Variants in EVC2 observed in about 807,000 individuals in gnomAD.
EVC2 encodes limbin.
EVC2 carries 148 observed loss-of-function variants against 149.3 expected under a neutral mutation model. The ratio of observed to expected loss-of-function variants is 0.99; its 90% CI spans 0.87 to 1.14. EVC2 has a LOEUF of 1.14. Among genes scored for constraint, EVC2 ranks in the 50% most tolerant of loss-of-function variants. The pLI is 0.00. For synonymous variants in EVC2, 776 were observed against 649.9 expected (o/e 1.19, Z -2.95); for missense variants, 1,854 against 1,627.3 (o/e 1.14, Z -2.40).
chr4:5,594,279 G>C (rs1410281073), intron 16 of EVC2, among the ~76,000 whole-genome samples: 2 of 152,206 alleles, frequency 1.3e-5, no homozygotes, highest in Admixed American at 6.5e-5. Context: ...TCAAGTGGGT[G>C]CCTGACCCCT....
At position 5,614,168 on chromosome 4, in the gene EVC2, G is replaced by A. The variant is rs1715057360; in HGVS notation, c.2829+1254C>T. On this transcript the variant is annotated intron_variant, in intron 16 of 21. Transcript: ENST00000344408. The surrounding 1 kb of genome is among the most constrained non-coding windows in gnomAD (Gnocchi z 4.7). ...ACTCTTAAGCAGCACCTTTGCAGAG[G>A]AGACCCTGCCTCCTCTCCTACCTAC... Among the ~76,000 whole-genome samples the A allele has an allele frequency of 6.6e-6, 1 of 152,146 alleles. No homozygotes were observed. Among genetic ancestry groups the A allele is most frequent in the African/African-American group, 2.4e-5 (1 of 41,428 alleles).
Position 5,708,305 on chromosome 4 carries a change from CCCGCCCCGCT to C in EVC2, c.199_208del (p.Ser67GlyfsTer12), listed in dbSNP as rs1420414097. 2.3e-5 allele frequency: 34 copies of C among 1,468,622 alleles called. No homozygotes were observed. Among genetic ancestry groups the C allele is most frequent in the Non-Finnish European group, 2.9e-5 (32 of 1,114,548 alleles). The allele number at this position is 1,468,622 out of a possible 1,614,324, so 91.0% of individuals were successfully genotyped here. A position where few individuals can be genotyped will look rare whatever the true frequency, so the allele number is the denominator to read the frequency against. On this transcript the variant is annotated frameshift_variant, in exon 1 of 22. Coordinates refer to ENST00000344408, the MANE Select transcript of EVC2 (RefSeq NM_147127.5). LOFTEE classifies it high-confidence loss of function. ...CCTTACCTGCGTGCTGCTCTCGGGC[CCCGCCCCGCT>C]CCGCCCCGGAGGGATCCTCAGGCCG...
At chr4:5,583,118 CAT>C (rs35384614) in intron 17 of EVC2, among the ~76,000 whole-genome samples, 38,527 of 152,062 alleles carry the variant, frequency 0.25, 6,398 homozygotes, top group Non-Finnish European at 0.37. Context: ...AAAATGATCA[CAT>C]GAGTCACTCC....
chr4:5,628,767 C>T, intron 11 of EVC2, 33 bp from the exon 12 acceptor site: 1 of 1,585,016 alleles, frequency 6.3e-7, no homozygotes, highest in South Asian at 1.1e-5. Flanking sequence ...AGAAAATATG[C>T]CTAATTAAAA....
In EVC2 at chr4:5,568,436, G is replaced by A. The variant is rs1396082511; in HGVS notation, c.3557+8C>T. The A allele has an allele frequency of 6.5e-7, 1 of 1,547,640 alleles. No homozygotes were observed. The highest frequency in any genetic ancestry group is 1.2e-5 in the South Asian group (1 of 84,446). On this transcript the variant is annotated splice_region_variant and intron_variant, in intron 20 of 21. Coordinates refer to ENST00000344408, the MANE Select transcript of EVC2 (RefSeq NM_147127.5). ...TGCCCCGGGAGGCAGCCCCTCCACG[G>A]CACTCACCTCCGCCTGCCCACGTCG...
Position 5,677,173 on chromosome 4 carries a change from C to T in EVC2, c.870+4087G>A, listed in dbSNP as rs1358390977. ...GCTGAGTACTTTACAGCCCTTGATCCATTTACCTCAACAACCATCCTATGA... is the reference window on the plus strand; with the variant it reads ...GCTGAGTACTTTACAGCCCTTGATCTATTTACCTCAACAACCATCCTATGA... On this transcript the variant is annotated intron_variant, in intron 7 of 21. Transcript: ENST00000344408. The surrounding 1 kb of genome is among the most constrained non-coding windows in gnomAD (Gnocchi z 4.3). Among the ~76,000 whole-genome samples, 1 of 152,190 alleles carries T rather than the reference C, an allele frequency of 6.6e-6. No individual in the cohort carries two copies. The highest frequency in any genetic ancestry group is 2.4e-5 in the African/African-American group (1 of 41,446).
chr4:5,574,697 G>T lies in EVC2; in HGVS notation c.3348C>A (p.Thr1116=). 6.2e-7 allele frequency: 1 copy of T among 1,614,112 alleles called. No homozygotes were observed. Among genetic ancestry groups the T allele is most frequent in the African/African-American group, 1.3e-5 (1 of 75,024 alleles). ...AGTACCTTCTCACCTGGCTGCACAG[G>T]GTTGCAAAGGTGTCTGCCTCCATGT... ...LENMEADTFA[T]LCSQELRLAS... The change falls in exon 19 of 22, where the codon ACC becomes ACA. Residue 1116 remains threonine, a synonymous_variant. Transcript: ENST00000344408.
rs899350591 is a variant in EVC2, at chr4:5,625,183, A to G, written c.2046+566T>C. On this transcript the variant is annotated intron_variant, in intron 13 of 21. Coordinates refer to ENST00000344408, the MANE Select transcript of EVC2 (RefSeq NM_147127.5). This position sits in a 1 kb window ranked among gnomAD's most constrained non-coding sequence, Gnocchi z 4.0. Reference sequence around the variant, plus strand: ...AGCACGGCACACCATGCCCCCATTGACTTGCTGCTGCATTCCCTTCCAGGC... The same window carrying G: ...AGCACGGCACACCATGCCCCCATTGGCTTGCTGCTGCATTCCCTTCCAGGC... Among the ~76,000 whole-genome samples, 2 of 151,912 alleles carry G rather than the reference A, an allele frequency of 1.3e-5. No homozygotes were observed. The highest frequency in any genetic ancestry group is 4.8e-5 in the African/African-American group (2 of 41,356).
In EVC2 at chr4:5,633,058, T is replaced by A. The variant is rs1716670087; in HGVS notation, c.1471-1026A>T. Among the ~76,000 whole-genome samples the A allele has an allele frequency of 6.6e-6, 1 of 152,350 alleles. No individual in the cohort carries two copies. Among genetic ancestry groups the A allele is most frequent in the Non-Finnish European group, 1.5e-5 (1 of 68,026 alleles). On this transcript the variant is annotated intron_variant, in intron 10 of 21. Coordinates refer to ENST00000344408, the MANE Select transcript of EVC2 (RefSeq NM_147127.5). The surrounding 1 kb of genome is among the most constrained non-coding windows in gnomAD (Gnocchi z 4.4). ...GAATTAATCAAAAGGAAGACTCTCC[T>A]GGGTGGGCCTGACTCCTTAAAAGAA...
At chr4:5,650,934 T>G (rs895730181) in intron 9 of EVC2, among the ~76,000 whole-genome samples, 1 of 152,000 alleles carries the variant, frequency 6.6e-6, no homozygotes, top group African/African-American at 2.4e-5. Flanking sequence ...GACTTCTCAT[T>G]GTTGTTGCTG....
intron 9 of EVC2, among the ~76,000 whole-genome samples, chr4:5,647,889 C>T (rs531879204): frequency 6.6e-5 from 10 of 152,216 alleles, no homozygotes; most frequent in East Asian, 3.9e-4. Flanking sequence ...CGCCCTGTGG[C>T]GAAGGAAGCC....
At chr4:5,683,163 G>A (rs534550152) in intron 6 of EVC2, among the ~76,000 whole-genome samples, 1 of 152,194 alleles carries the variant, frequency 6.6e-6, no homozygotes, top group Non-Finnish European at 1.5e-5. Flanking sequence ...TTTAGAATAT[G>A]ACTCTAAAGA....
In EVC2 at chr4:5,625,213, C is replaced by T. The variant is rs752395585; in HGVS notation, c.2046+536G>A. 6.6e-6 allele frequency among the ~76,000 whole-genome samples: 1 copy of T among 151,872 alleles called. No individual in the cohort carries two copies. Among genetic ancestry groups the T allele is most frequent in the Non-Finnish European group, 1.5e-5 (1 of 67,972 alleles). On this transcript the variant is annotated intron_variant, in intron 13 of 21. Coordinates refer to ENST00000344408, the MANE Select transcript of EVC2 (RefSeq NM_147127.5). This position sits in a 1 kb window ranked among gnomAD's most constrained non-coding sequence, Gnocchi z 4.0. ...CTGCTGCATTCCCTTCCAGGCCCTA[C>T]CCTCGTCCCTCTGCACACTCCAGCC...
At chr4:5,551,837 G>C (rs1377249568) in intron 21 of EVC2, among the ~76,000 whole-genome samples, 1 of 152,104 alleles carries the variant, frequency 6.6e-6, no homozygotes, top group African/African-American at 2.4e-5. Context: ...AGTCTCACAA[G>C]ATCTGATGAT....
rs1490416377 is a variant in EVC2 at position 5,625,784 on chromosome 4, A to C, written c.2011T>G (p.Leu671Val). The C allele has an allele frequency of 6.2e-7, 1 of 1,614,038 alleles. No homozygotes were observed. The highest frequency in any genetic ancestry group is 1.7e-5 in the Admixed American group (1 of 60,006). ...KQEKKKLHQKLITKRRRELLQ... is the reference protein window; with the variant it reads ...KQEKKKLHQKVITKRRRELLQ... ...AACTCTCGTCTTCTCTTAGTTATTA[A>C]TTTTTGGTGGAGCTTTTTCTTTTCC... The change falls in exon 13 of 22, where the codon TTA becomes GTA. Residue 671 changes from leucine to valine, a missense_variant. Transcript: ENST00000344408. This position sits in a 1 kb window ranked among gnomAD's most constrained non-coding sequence, Gnocchi z 4.0.
intron 14 of EVC2, among the ~76,000 whole-genome samples, chr4:5,621,788 T>C (rs530272704): frequency 2.3e-4 from 35 of 152,218 alleles, no homozygotes; most frequent in African/African-American, 7.9e-4. Context: ...GGCGGGAGGA[T>C]TGCCTAAGCC....
rs1716050319 is a variant in EVC2, at chr4:5,625,626, G to A, written c.2046+123C>T. On this transcript the variant is annotated intron_variant, in intron 13 of 21. Coordinates refer to ENST00000344408, the MANE Select transcript of EVC2 (RefSeq NM_147127.5). This position sits in a 1 kb window ranked among gnomAD's most constrained non-coding sequence, Gnocchi z 4.0. ...AATCAACAGTAGATGGCACATCATG[G>A]TGCCTGCCCAGCTGCCCTTCTGATC... is the stretch of plus-strand genomic sequence containing the variant. 2 of 1,291,560 alleles carry A rather than the reference G, an allele frequency of 1.5e-6. No homozygotes were observed. The highest frequency in any genetic ancestry group is 2.4e-5 in the East Asian group (1 of 42,176). 80.0% of individuals were successfully genotyped at this position (1,291,560 alleles called of 1,614,324 possible). A position where few individuals can be genotyped will look rare whatever the true frequency, so the allele number is the denominator to read the frequency against.
rs1217549020 is a variant in EVC2, at chr4:5,594,316, C to T, written c.2830-9466G>A. 2.0e-5 allele frequency among the ~76,000 whole-genome samples: 3 copies of T among 152,220 alleles called. No individual in the cohort carries two copies. The East Asian group carries it at 5.8e-4, about 29-fold the overall frequency. ...ACCCCCGAGCAGCCTAACTGGGAGG[C>T]ACCTCCCAGTAGGGGCAGACTGACA... On this transcript the variant is annotated intron_variant, in intron 16 of 21. Transcript: ENST00000344408.
chr4:5,694,199 G>A, intron 3 of EVC2, 136 bp downstream of exon 3: 2 of 855,120 alleles, frequency 2.3e-6, no homozygotes, highest in South Asian at 1.6e-5. Flanking sequence ...GCTACCCAGT[G>A]ATAACTATAT....
Sources: gnomAD v4.1 joint callset for allele counts (sites outside exome capture counted in the v4.1 genomes callset) on GRCh38, gnomAD v4.1.1 for gene constraint, Gnocchi (gnomAD v3.1) non-coding constraint, MANE v1.5 for transcripts, NCBI Gene and HGNC (gene_info 2026-07-23, HGNC 2026-07-21) for gene names.